Variants in CCDC30 observed in about 807,000 individuals in gnomAD.
CCDC30 encodes the protein coiled-coil domain containing 30, also known as coiled-coil domain-containing protein 30.
Under a neutral mutation model 100.2 loss-of-function variants are expected in CCDC30, and 70 were observed. The ratio of observed to expected loss-of-function variants is 0.70; its 90% confidence interval spans 0.58 to 0.85. CCDC30 has a LOEUF of 0.85. Among genes scored for constraint, CCDC30 ranks in the 40% least tolerant of loss-of-function variants. The probability of loss-of-function intolerance (pLI) is 0.00; values close to 1 mark genes in which losing one functional copy is unlikely to be tolerated. For missense variants in CCDC30, 652 were observed against 771.2 expected (o/e 0.85, Z 1.83); for synonymous variants, 233 against 269.5 (o/e 0.86, Z 1.33).
intron 6 of CCDC30, among the ~76,000 whole-genome samples, chr1:42,517,014 C>T (rs574409208): frequency 6.6e-6 from 1 of 152,166 alleles, no homozygotes; most frequent in Non-Finnish European, 1.5e-5. Context: ...TGTTAATATT[C>T]CTTATCAGAT....
chr1:42,489,256 T>C (rs1466380641), intron 3 of CCDC30, among the ~76,000 whole-genome samples: 2 of 152,242 alleles, frequency 1.3e-5, no homozygotes, highest in African/African-American at 4.8e-5. Context: ...TTAACTTTTC[T>C]GAGTCTTGTT....
chr1:42,567,271 T>G (rs1387718130), intron 7 of CCDC30, among the ~76,000 whole-genome samples: 2 of 152,200 alleles, frequency 1.3e-5, no homozygotes, highest in African/African-American at 4.8e-5. Flanking sequence ...TATCTGTCTG[T>G]TTATATATTA....
rs534454180 is a variant in CCDC30 at position 42,602,907 on chromosome 1, T to C, written c.1165-8071T>C. On this transcript the variant is annotated intron_variant, in intron 10 of 16. Coordinates refer to ENST00000668663, the Ensembl canonical transcript of CCDC30. ...AATATTAGCAAACCATATCCAACAA[T>C]GTATACAAAGAATTATGCACCATGA... 7.9e-5 allele frequency among the ~76,000 whole-genome samples: 12 copies of C among 152,282 alleles called. 1 individual carries two copies. Among genetic ancestry groups the C allele is most frequent in the African/African-American group, 2.9e-4 (12 of 41,570 alleles).
At chr1:42,654,616 G>A (rs997288975), downstream of CCDC30, 1 of 151,684 alleles carries the variant, frequency 6.6e-6, no homozygotes, top group Admixed American at 6.6e-5. Context: ...GTGAACCTGC[G>A]ATAGCACCAC....
chr1:42,652,477 T>C (rs1648434185), intron 15 of CCDC30, among the ~76,000 whole-genome samples: 1 of 152,182 alleles, frequency 6.6e-6, no homozygotes, highest in South Asian at 2.1e-4. Context: ...GCACTTATAA[T>C]TTGTCAATAT....
intron 7 of CCDC30, among the ~76,000 whole-genome samples, chr1:42,567,832 A>G (rs1645638997): frequency 6.6e-6 from 1 of 152,176 alleles, no homozygotes; most frequent in South Asian, 2.1e-4. Context: ...TTGGTACCCT[A>G]TAAATATTTA....
exon 8 of CCDC30, chr1:42,577,030 A>G (rs1375274642): frequency 1.2e-6 from 2 of 1,611,724 alleles, no homozygotes; most frequent in Admixed American, 1.7e-5. Flanking sequence ...ATAAAGATTG[A>G]ACTAAAGCAT....
intron 11 of CCDC30, among the ~76,000 whole-genome samples, chr1:42,615,090 C>T (rs1180759300): frequency 6.6e-6 from 1 of 152,136 alleles, no homozygotes; most frequent in African/African-American, 2.4e-5. Flanking sequence ...AATCCATCTC[C>T]TTGAGGAACT....
At chr1:42,500,292 C>T (rs1012545180) in intron 6 of CCDC30, 13 of 1,610,680 alleles carry the variant, frequency 8.1e-6, no homozygotes, top group Middle Eastern at 2.0e-4. Context: ...TCTTCAGTTT[C>T]GACTTATCGA....
chr1:42,563,297 C>G (rs1439071757), intron 6 of CCDC30, among the ~76,000 whole-genome samples: 2 of 152,144 alleles, frequency 1.3e-5, no homozygotes, highest in African/African-American at 4.8e-5. Flanking sequence ...ATATCATGTC[C>G]TTTGCAGGGA....
intron 15 of CCDC30, among the ~76,000 whole-genome samples, chr1:42,651,104 C>T (rs183376098): frequency 1.7e-4 from 26 of 152,248 alleles, no homozygotes; most frequent in African/African-American, 5.5e-4. Flanking sequence ...AAAGACAAGA[C>T]CTGAAATTGT....
intron 6 of CCDC30, among the ~76,000 whole-genome samples, chr1:42,520,807 A>G (rs949829839): frequency 1.4e-5 from 2 of 144,256 alleles, no homozygotes; most frequent in African/African-American, 2.6e-5. Flanking sequence ...CACCCAGCTA[A>G]TTTTTTTTTC....
chr1:42,459,948 C>A (rs1228630243), upstream of CCDC30: 3 of 1,564,790 alleles, frequency 1.9e-6, no homozygotes, highest in South Asian at 2.4e-5. Flanking sequence ...CTTATAGGAT[C>A]AAAAATTGTT....
At chr1:42,539,441 T>G (rs1473599630) in intron 6 of CCDC30, 131 bp downstream of exon 8, 2 of 559,526 alleles carry the variant, frequency 3.6e-6, no homozygotes, top group Non-Finnish European at 2.9e-6. Flanking sequence ...TAGCATAAAT[T>G]GCCATATACT....
At chr1:42,527,400 T>G (rs1181449538) in intron 6 of CCDC30, among the ~76,000 whole-genome samples, 2 of 152,216 alleles carry the variant, frequency 1.3e-5, no homozygotes, top group African/African-American at 2.4e-5. Context: ...AACTACATTG[T>G]GACCTTGAAC....
chr1:42,627,199 T>C (rs544661544), intron 11 of CCDC30, among the ~76,000 whole-genome samples: 1 of 152,308 alleles, frequency 6.6e-6, no homozygotes, highest in African/African-American at 2.4e-5. Flanking sequence ...ATTCTTGTTA[T>C]GTTTTGGCAA....
intron 6 of CCDC30, among the ~76,000 whole-genome samples, chr1:42,544,906 T>C (rs1645091298): frequency 6.6e-6 from 1 of 152,192 alleles, no homozygotes; most frequent in African/African-American, 2.4e-5. Flanking sequence ...ATATATCTAA[T>C]ATTCTTATAG....
At chr1:42,554,271 GCTT>G (rs1443066764) in intron 6 of CCDC30, among the ~76,000 whole-genome samples, 87 of 144,258 alleles carry the variant, frequency 6.0e-4, no homozygotes, top group African/African-American at 2.1e-3. Flanking sequence ...ACATTTTATG[GCTT>G]CTTTTTTTTT....
chr1:42,641,480 G>C (rs991319065), intron 12 of CCDC30, among the ~76,000 whole-genome samples: 1 of 151,844 alleles, frequency 6.6e-6, no homozygotes, highest in African/African-American at 2.4e-5. Flanking sequence ...GAGCCCAGGA[G>C]TGTGAGGTTA....
Sources: gnomAD v4.1 joint callset for allele counts (sites outside exome capture counted in the v4.1 genomes callset) on GRCh38, gnomAD v4.1.1 for gene constraint, MANE v1.5 for transcripts, NCBI Gene and HGNC (gene_info 2026-07-23, HGNC 2026-07-21) for gene names.